The following HHIP variants were observed in gnomAD, a reference collection of about 807,000 sequenced individuals.
HHIP encodes the protein hedgehog interacting protein, also known as hedgehog-interacting protein.
HHIP carries 12 observed loss-of-function variants against 74.0 expected under a neutral mutation model. That is an observed-to-expected ratio of 0.16 (90% confidence interval 0.10 to 0.26). The LOEUF is 0.26. HHIP is among the 10% of genes least tolerant of loss of function. The probability of loss-of-function intolerance (pLI) is 1.00; values close to 1 mark genes in which losing one functional copy is unlikely to be tolerated. For synonymous variants in HHIP, 309 were observed against 311.6 expected (o/e 0.99, Z 0.09); for missense variants, 788 against 845.0 (o/e 0.93, Z 0.84).
chr4:144,654,039 A>T (rs1728496284), intron 2 of HHIP, among the ~76,000 whole-genome samples: 1 of 152,194 alleles, frequency 6.6e-6, no homozygotes, highest in Non-Finnish European at 1.5e-5. Flanking sequence ...GGAAACTTCA[A>T]GTCTTGAACA....
intron 4 of HHIP, among the ~76,000 whole-genome samples, chr4:144,703,900 T>G (rs1317762710): frequency 2.0e-5 from 3 of 152,192 alleles, no homozygotes; most frequent in Middle Eastern, 3.2e-3. Flanking sequence ...CATAAGACCT[T>G]GAAAAATGAC....
intron 2 of HHIP, among the ~76,000 whole-genome samples, chr4:144,654,292 T>A (rs1208926539): frequency 1.3e-5 from 2 of 152,122 alleles, no homozygotes; most frequent in African/African-American, 2.4e-5. Flanking sequence ...TCAACATATG[T>A]GGTGACGAAT....
chr4:144,673,562 G>A (rs1729099947), intron 4 of HHIP, among the ~76,000 whole-genome samples: 1 of 152,108 alleles, frequency 6.6e-6, no homozygotes, highest in Non-Finnish European at 1.5e-5. Context: ...GGGAGAAAGG[G>A]GGGAAAATAT....
At chr4:144,708,388 G>A (rs1156536745) in intron 7 of HHIP, 77 bp downstream of exon 7, 2 of 1,466,976 alleles carry the variant, frequency 1.4e-6, no homozygotes, top group African/African-American at 2.8e-5. Flanking sequence ...ATAGCATAGA[G>A]CATATACCAT....
In HHIP at chr4:144,715,347, A is replaced by G. The variant is rs372297550; in HGVS notation, c.1595A>G (p.Glu532Gly). The change falls in exon 10 of 13, where the codon GAA (glutamate) becomes GGA (glycine). Residue 532 changes from glutamate (E) to glycine (G), a missense_variant. By Grantham distance (98) the Glu-to-Gly change is moderately conservative. Coordinates refer to ENST00000296575, the MANE Select transcript of HHIP (RefSeq NM_022475.3). ...AGTCCTGTGACAAAGCAGTGGCAAG[A>G]AAAACCACTCTGTCTCGGCACTAGT... ...QQSPVTKQWQ[E>G]KPLCLGTSGS... The G allele has an allele frequency of 6.2e-6, 10 of 1,613,432 alleles. No individual in the cohort carries two copies. Among genetic ancestry groups the G allele is most frequent in the Non-Finnish European group, 6.8e-6 (8 of 1,179,534 alleles).
rs747064752 is a variant in HHIP at position 144,718,898 on chromosome 4, A to T, written c.1702A>T (p.Ser568Cys). Residue 568 changes from serine to cysteine, a missense_variant, in exon 11 of 13, where the codon AGT becomes TGT. This residue lies in a region of HHIP where 343 missense variants were observed against 347.9 expected (regional missense o/e 0.99). Transcript: ENST00000296575. ...ELGEVYILSS[S>C]KSMTQTHNGK... ...AGGTGAAGTTTACATTTTATCAAGC[A>T]GTAAAAGTATGACCCAGACTCACAA... 1 of 1,609,586 alleles carries T rather than the reference A, an allele frequency of 6.2e-7. No individual in the cohort carries two copies. The highest frequency in any genetic ancestry group is 8.5e-7 in the Non-Finnish European group (1 of 1,176,192).
At chr4:144,685,048 C>G (rs766572329) in intron 4 of HHIP, among the ~76,000 whole-genome samples, 1 of 152,204 alleles carries the variant, frequency 6.6e-6, no homozygotes, top group Non-Finnish European at 1.5e-5. Context: ...AACTGTAGCA[C>G]TGCTCAACTT....
At chr4:144,705,972 A>G (rs1318465770) in intron 4 of HHIP, among the ~76,000 whole-genome samples, 3 of 152,190 alleles carry the variant, frequency 2.0e-5, no homozygotes, top group Non-Finnish European at 2.9e-5. Context: ...AAGGCTGCCT[A>G]TTACCTAGCT....
At chr4:144,677,102 T>G (rs1729188820) in intron 4 of HHIP, among the ~76,000 whole-genome samples, 1 of 152,174 alleles carries the variant, frequency 6.6e-6, no homozygotes, top group Non-Finnish European at 1.5e-5. Context: ...CCCAATGACA[T>G]GTTAGGTCTC....
chr4:144,695,654 T>G (rs987888937), intron 4 of HHIP, among the ~76,000 whole-genome samples: 55 of 151,966 alleles, frequency 3.6e-4, no homozygotes, highest in African/African-American at 1.2e-3. Flanking sequence ...ATGTTTAACT[T>G]TAGAGGATAA....
At chr4:144,664,113 C>G (rs1249590752) in intron 4 of HHIP, among the ~76,000 whole-genome samples, 1 of 152,190 alleles carries the variant, frequency 6.6e-6, no homozygotes, top group Non-Finnish European at 1.5e-5. Context: ...AAAGCCTTGT[C>G]TATCATTGGA....
intron 2 of HHIP, among the ~76,000 whole-genome samples, chr4:144,657,878 A>C (rs1728595117): frequency 6.6e-6 from 1 of 152,192 alleles, no homozygotes; most frequent in Non-Finnish European, 1.5e-5. Flanking sequence ...AAAGGCACTT[A>C]TATATTTGAA....
In HHIP at chr4:144,740,496, T is replaced by C. The variant is rs113765847; in HGVS notation, c.*2539T>C. On this transcript the variant is annotated 3_prime_UTR_variant, in exon 13 of 13. Transcript: ENST00000296575. ...AAGCCAAGCAAAGAAAGTAAAATCA[T>C]TGGAGTCATTTCTTTCTGTTCTTAG... The C allele has an allele frequency of 6.6e-6, 1 of 152,174 alleles. No individual in the cohort carries two copies. Among genetic ancestry groups the C allele is most frequent in the African/African-American group, 2.4e-5 (1 of 41,454 alleles). The allele number at this position is 152,174 out of a possible 1,614,324, so 9.4% of individuals were successfully genotyped here.
chr4:144,663,918 G>A (rs1049733133), intron 4 of HHIP, among the ~76,000 whole-genome samples: 2 of 152,210 alleles, frequency 1.3e-5, no homozygotes, highest in Non-Finnish European at 2.9e-5. Context: ...GAATGTGAAA[G>A]TCAGCCTTAG....
chr4:144,711,899 CT>C, intron 7 of HHIP, 50 bp from the exon 8 acceptor site: 1 of 1,572,518 alleles, frequency 6.4e-7, no homozygotes, highest in Non-Finnish European at 8.6e-7. Flanking sequence ...CCAGTCTGAG[CT>C]TGGAAAAGAT....
chr4:144,707,263 A>G lies in HHIP; in HGVS notation c.1157+3A>G. The stretch of plus-strand genomic sequence containing the variant: ...ATGGAAGAAATGGATGGGTTAAGGT[A>G]AAAGGCTGATCACAGATGGGTTCCT... On this transcript the variant is annotated splice_donor_region_variant and intron_variant, in intron 6 of 12. Transcript: ENST00000296575. 1.9e-6 allele frequency: 3 copies of G among 1,594,214 alleles called. No individual in the cohort carries two copies. The highest frequency in any genetic ancestry group is 2.6e-6 in the Non-Finnish European group (3 of 1,170,536).
chr4:144,682,585 T>C (rs1729378060), intron 4 of HHIP, among the ~76,000 whole-genome samples: 1 of 152,250 alleles, frequency 6.6e-6, no homozygotes, highest in African/African-American at 2.4e-5. Context: ...CTCATTGATA[T>C]TTCAATCAAT....
chr4:144,702,332 C>T (rs1730009256), intron 4 of HHIP, among the ~76,000 whole-genome samples: 1 of 152,142 alleles, frequency 6.6e-6, no homozygotes, highest in Non-Finnish European at 1.5e-5. Flanking sequence ...CTTGTATTTA[C>T]ATTAAAGTAT....
At chr4:144,720,676 G>T (rs1375220680) in intron 11 of HHIP, among the ~76,000 whole-genome samples, 2 of 152,130 alleles carry the variant, frequency 1.3e-5, no homozygotes, top group East Asian at 3.9e-4. Flanking sequence ...CATGTGGGGG[G>T]CCCGGGTTAA....
Sources: allele counts gnomAD v4.1 joint callset (sites outside exome capture counted in the v4.1 genomes callset), GRCh38; gene constraint gnomAD v4.1.1; regional missense constraint gnomAD v4.1.1; transcripts MANE v1.5; gene names NCBI Gene and HGNC (gene_info 2026-07-23, HGNC 2026-07-21).